QTMAN: variants seen among roughly 807,000 people sequenced by gnomAD.
The protein encoded by QTMAN is tRNA-queuosine alpha-mannosyltransferase.
the QTMAN span, among the ~76,000 whole-genome samples, chr2:144,135,864 T>C: frequency 6.6e-6 from 1 of 152,208 alleles, no homozygotes; most frequent in African/African-American, 2.4e-5. Flanking sequence ...ACTTACGTTT[T>C]CTATGCCTGA....
the QTMAN span, among the ~76,000 whole-genome samples, chr2:144,268,396 G>A: frequency 2.0e-5 from 3 of 152,258 alleles, no homozygotes; most frequent in East Asian, 5.8e-4. Flanking sequence ...ATAGACTAAG[G>A]CAGGAGTATT....
the QTMAN span, among the ~76,000 whole-genome samples, chr2:144,063,728 CAA>C: frequency 6.6e-6 from 1 of 152,064 alleles, no homozygotes; most frequent in African/African-American, 2.4e-5. Context: ...TCTATACTTT[CAA>C]AAAATCCCTT....
chr2:144,113,197 A>T, the QTMAN span, among the ~76,000 whole-genome samples: 15 of 152,338 alleles, frequency 9.8e-5, no homozygotes, highest in East Asian at 2.9e-3. Context: ...TGATTCAAGA[A>T]ATAAACATAT....
the QTMAN span, chr2:143,941,777 CTG>C: frequency 6.6e-5 from 10 of 152,110 alleles, no homozygotes; most frequent in Non-Finnish European, 1.3e-4. Context: ...CTGTCCTTTG[CTG>C]TCTCCTGCCA....
the QTMAN span, among the ~76,000 whole-genome samples, chr2:144,268,029 T>C: frequency 2.0e-5 from 3 of 152,164 alleles, no homozygotes; most frequent in Non-Finnish European, 4.4e-5. Context: ...ATTTCCAATA[T>C]TGGTAGTATT....
chr2:144,239,817 T>C, the QTMAN span, among the ~76,000 whole-genome samples: 3 of 152,234 alleles, frequency 2.0e-5, no homozygotes, highest in Admixed American at 2.0e-4. Context: ...ACCCAATTCA[T>C]GTGATCCTTT....
the QTMAN span, among the ~76,000 whole-genome samples, chr2:144,145,027 C>A: frequency 6.6e-6 from 1 of 150,660 alleles, no homozygotes; most frequent in South Asian, 2.1e-4. Context: ...TAAGGCTGTG[C>A]CATTTCAGAA....
the QTMAN span, among the ~76,000 whole-genome samples, chr2:144,222,072 T>G: frequency 6.6e-6 from 1 of 152,050 alleles, no homozygotes; most frequent in Non-Finnish European, 1.5e-5. Flanking sequence ...TTTTTGTTTT[T>G]TTTTTGAGAC....
chr2:144,241,513 C>T, the QTMAN span, among the ~76,000 whole-genome samples: 1 of 152,134 alleles, frequency 6.6e-6, no homozygotes, highest in Non-Finnish European at 1.5e-5. Flanking sequence ...CATTTTACAC[C>T]AAAAGATGAT....
the QTMAN span, among the ~76,000 whole-genome samples, chr2:144,052,001 T>C: frequency 5.3e-5 from 8 of 152,256 alleles, no homozygotes; most frequent in African/African-American, 1.9e-4. Context: ...TTATACATTA[T>C]ATGGGTACAC....
chr2:143,975,188 C>T, the QTMAN span, among the ~76,000 whole-genome samples: 1 of 150,704 alleles, frequency 6.6e-6, no homozygotes. Flanking sequence ...TATCTGTTCT[C>T]TCTCTCTGTT....
the QTMAN span, among the ~76,000 whole-genome samples, chr2:144,001,371 A>C: frequency 1.6e-3 from 243 of 151,976 alleles, no homozygotes; most frequent in African/African-American, 5.6e-3. Context: ...ATGTTTCAAA[A>C]CTGCTTTTAG....
chr2:143,941,676 CAA>C, the QTMAN span: 48 of 100,370 alleles, frequency 4.8e-4, no homozygotes, highest in East Asian at 5.9e-4. Context: ...CTCTCTCTCT[CAA>C]AAAAAAAAAA....
the QTMAN span, among the ~76,000 whole-genome samples, chr2:144,266,544 G>GA: frequency 6.6e-6 from 1 of 152,146 alleles, no homozygotes; most frequent in Non-Finnish European, 1.5e-5. Flanking sequence ...TGTACCAATC[G>GA]ATAGTAGCTG....
chr2:144,256,633 T>G, the QTMAN span, among the ~76,000 whole-genome samples: 2 of 151,966 alleles, frequency 1.3e-5, no homozygotes, highest in Admixed American at 6.6e-5. Context: ...TCTCACTCAT[T>G]AGTGGGAGTT....
At chr2:144,142,412 T>C in the QTMAN span, among the ~76,000 whole-genome samples, 1 of 151,962 alleles carries the variant, frequency 6.6e-6, no homozygotes, top group African/African-American at 2.4e-5. Flanking sequence ...GTGGCCCAGC[T>C]ACCCATGTTG....
chr2:144,127,882 A>G, the QTMAN span: 4 of 152,152 alleles, frequency 2.6e-5, no homozygotes, highest in East Asian at 7.8e-4. Context: ...ACATTATAAC[A>G]CATGAAACTC....
the QTMAN span, among the ~76,000 whole-genome samples, chr2:144,215,809 T>C: frequency 6.6e-6 from 1 of 152,212 alleles, no homozygotes; most frequent in Non-Finnish European, 1.5e-5. Flanking sequence ...ATTGCCCTTT[T>C]AAGTAGGTCT....
the QTMAN span, among the ~76,000 whole-genome samples, chr2:144,000,684 T>C: frequency 6.6e-6 from 1 of 152,026 alleles, no homozygotes; most frequent in Non-Finnish European, 1.5e-5. Context: ...ATCTATGGAA[T>C]CATCTTTTTT....
Sources: allele counts gnomAD v4.1 joint callset (sites outside exome capture counted in the v4.1 genomes callset), GRCh38; gene constraint gnomAD v4.1.1; transcripts MANE v1.5; gene names NCBI Gene and HGNC (gene_info 2026-07-23, HGNC 2026-07-21).